Variants in SUFU observed in about 807,000 individuals in gnomAD.
The protein encoded by SUFU is SUFU negative regulator of hedgehog signaling.
SUFU carries 7 observed loss-of-function variants against 58.9 expected under a neutral mutation model. That is an observed-to-expected ratio of 0.12 (90% CI 0.07 to 0.22). The LOEUF is 0.22. Ranked by LOEUF, SUFU falls within the 10% of genes least tolerant of loss-of-function variation. The probability of loss-of-function intolerance (pLI) is 1.00; values close to 1 mark genes in which losing one functional copy is unlikely to be tolerated. For missense variants in SUFU, 451 were observed against 641.3 expected, an observed-to-expected ratio of 0.70 and a Z score of 3.20; for synonymous variants, 232 against 254.8, an observed-to-expected ratio of 0.91 and a Z score of 0.85.
chr10:102,570,432 G>A (rs1244038336), intron 3 of SUFU, among the ~76,000 whole-genome samples: 3 of 151,990 alleles, frequency 2.0e-5, no homozygotes, highest in African/African-American at 7.2e-5. Context: ...TAGTAGAGAC[G>A]GAGTTTCACC....
At chr10:102,562,525 AAAC>A (rs753014326) in intron 3 of SUFU, among the ~76,000 whole-genome samples, 140 of 151,726 alleles carry the variant, frequency 9.2e-4, no homozygotes, top group Non-Finnish European at 1.6e-3. Flanking sequence ...TCTGTCTCAA[AAAC>A]AACAACAACA....
At chr10:102,549,840 T>C (rs2062893386) in intron 2 of SUFU, 130 bp from the exon 3 acceptor site, 3 of 1,221,790 alleles carry the variant, frequency 2.5e-6, no homozygotes, top group Admixed American at 3.7e-5. Context: ...GCTCACATCC[T>C]GGGATACTCC....
chr10:102,558,849 A>C (rs987355728), intron 3 of SUFU, among the ~76,000 whole-genome samples: 2 of 152,192 alleles, frequency 1.3e-5, no homozygotes. Flanking sequence ...TGGAGCGGGC[A>C]CTTTCTGTTC....
rs146412688 is a variant in SUFU at position 102,544,316 on chromosome 10, T to C, written c.318-5654T>C. On this transcript the variant is annotated intron_variant, in intron 2 of 11. Coordinates refer to ENST00000369902, the MANE Select transcript of SUFU (RefSeq NM_016169.4). ...CTTTTTAAAAATAAATCATATACCATGAAATTCACCCTGTTAAAGTGTGTA... is the reference window on the plus strand; with the variant it reads ...CTTTTTAAAAATAAATCATATACCACGAAATTCACCCTGTTAAAGTGTGTA... Among the ~76,000 whole-genome samples, 756 of 152,352 alleles carry C rather than the reference T, an allele frequency of 5.0e-3. 7 individuals carry two copies. The highest frequency in any genetic ancestry group is 0.017 in the African/African-American group (701 of 41,576).
intron 2 of SUFU, among the ~76,000 whole-genome samples, chr10:102,515,863 C>G (rs2062462306): frequency 6.6e-6 from 1 of 152,100 alleles, no homozygotes; most frequent in African/African-American, 2.4e-5. Flanking sequence ...TCTGCCTTTC[C>G]TCTCAGGGAT....
Position 102,550,057 on chromosome 10 carries a change from A to G in SUFU, c.405A>G (p.Thr135=), listed in dbSNP as rs760827494. ...AAACTGGGGAGTCTGCCCCACCAAC[A>G]TGGCCCGCAGAGTTAATGCAGGGCT... The part of the protein sequence containing the change: ...KRETGESAPP[T]WPAELMQGLA... Residue 135 remains threonine (T), a synonymous_variant, in exon 3 of 12, where the codon ACA becomes ACG. Transcript: ENST00000369902. 7.4e-6 allele frequency: 12 copies of G among 1,614,156 alleles called. No homozygotes were observed. The South Asian group carries it at 1.1e-4, about 15-fold the overall frequency.
intron 3 of SUFU, among the ~76,000 whole-genome samples, chr10:102,574,529 C>T (rs1313221419): frequency 6.6e-6 from 1 of 152,154 alleles, no homozygotes; most frequent in Non-Finnish European, 1.5e-5. Flanking sequence ...GAGAGGATTG[C>T]TTGAGCCCAG....
chr10:102,597,068 G>A, intron 6 of SUFU, 72 bp from the exon 7 acceptor site: 1 of 1,573,570 alleles, frequency 6.4e-7, no homozygotes, highest in East Asian at 2.2e-5. Flanking sequence ...TAAGAGCAGT[G>A]GCTGAAAGGG....
chr10:102,604,056 G>A lies in SUFU; in HGVS notation c.1022+4512G>A, dbSNP rs1244651157. Among the ~76,000 whole-genome samples, 5 of 152,212 alleles carry A rather than the reference G, an allele frequency of 3.3e-5. No individual in the cohort carries two copies. The East Asian group carries it at 9.6e-4, about 29-fold the overall frequency. ...CAGTGTTGGGTAACCCTGCTTCAAG[G>A]GGTCTCTCCTGTCAGCGCAGTGGCC... is the stretch of plus-strand genomic sequence containing the variant. On this transcript the variant is annotated intron_variant, in intron 8 of 11. Coordinates refer to ENST00000369902, the MANE Select transcript of SUFU (RefSeq NM_016169.4).
intron 3 of SUFU, among the ~76,000 whole-genome samples, chr10:102,583,425 G>C (rs2063303057): frequency 6.6e-6 from 1 of 152,164 alleles, no homozygotes; most frequent in Non-Finnish European, 1.5e-5. Flanking sequence ...GGTGGAACGT[G>C]TTGATCCTAG....
chr10:102,578,569 A>C (rs1318320691), intron 3 of SUFU, among the ~76,000 whole-genome samples: 4 of 152,000 alleles, frequency 2.6e-5, no homozygotes, highest in Non-Finnish European at 5.9e-5. Flanking sequence ...TTAGCTGGTC[A>C]TGGTGGCGCG....
At chr10:102,584,373 G>C (rs1337576365) in intron 3 of SUFU, among the ~76,000 whole-genome samples, 1 of 151,928 alleles carries the variant, frequency 6.6e-6, no homozygotes, top group Admixed American at 6.6e-5. Flanking sequence ...TTTAAGATGG[G>C]GTCTTACTAT....
chr10:102,513,373 C>T (rs140477817), intron 2 of SUFU, among the ~76,000 whole-genome samples: 1 of 152,110 alleles, frequency 6.6e-6, no homozygotes, highest in African/African-American at 2.4e-5. Flanking sequence ...TGTGTCTTCT[C>T]TTCAGCAAAA....
Position 102,619,050 on chromosome 10 carries a change from T to C in SUFU, c.1296+1622T>C, listed in dbSNP as rs774880297. 6.2e-7 allele frequency: 1 copy of C among 1,612,578 alleles called. No individual in the cohort carries two copies. The highest frequency in any genetic ancestry group is 1.1e-5 in the South Asian group (1 of 91,084). On this transcript the variant is annotated intron_variant, in intron 10 of 11. Transcript: ENST00000369902. This position sits in a 1 kb window ranked among gnomAD's most constrained non-coding sequence, Gnocchi z 4.2. The stretch of plus-strand genomic sequence containing the variant: ...CCAAACTGCAGAATCTACCCAGTTA[T>C]GTTTGACATCCTCAGCTCTGAACCT...
chr10:102,603,326 C>T (rs1323805414), intron 8 of SUFU, among the ~76,000 whole-genome samples: 2 of 152,200 alleles, frequency 1.3e-5, no homozygotes, highest in East Asian at 3.9e-4. Context: ...CACACCTGGC[C>T]TGTATTTCTC....
chr10:102,513,835 A>G (rs1365225958), intron 2 of SUFU, among the ~76,000 whole-genome samples: 2 of 152,192 alleles, frequency 1.3e-5, no homozygotes, highest in Non-Finnish European at 2.9e-5. Context: ...AGTATTATTT[A>G]CTTCATGTTC....
chr10:102,571,930 A>T (rs1163863933), intron 3 of SUFU, among the ~76,000 whole-genome samples: 1 of 152,178 alleles, frequency 6.6e-6, no homozygotes, highest in Admixed American at 6.5e-5. Context: ...TGTTGACAGA[A>T]TTCCTTTCCT....
At chr10:102,535,127 G>A (rs1590001552) in intron 2 of SUFU, among the ~76,000 whole-genome samples, 1 of 152,146 alleles carries the variant, frequency 6.6e-6, no homozygotes, top group Non-Finnish European at 1.5e-5. Context: ...CAGGATAAAG[G>A]ATGGGTCTGC....
chr10:102,614,983 C>G (rs2063670335), intron 8 of SUFU, among the ~76,000 whole-genome samples: 1 of 152,116 alleles, frequency 6.6e-6, no homozygotes, highest in African/African-American at 2.4e-5. Flanking sequence ...GCTGTGCAAC[C>G]TGTGCAAATT....
Sources: allele counts gnomAD v4.1 joint callset (sites outside exome capture counted in the v4.1 genomes callset), GRCh38; gene constraint gnomAD v4.1.1; non-coding constraint Gnocchi (gnomAD v3.1); transcripts MANE v1.5; gene names NCBI Gene and HGNC (gene_info 2026-07-23, HGNC 2026-07-21).